ANKRD17: variants seen among roughly 807,000 people sequenced by gnomAD.
ANKRD17 encodes the protein ankyrin repeat domain 17, also known as ankyrin repeat domain-containing protein 17.
A neutral mutation model predicts 229.7 loss-of-function variants in ANKRD17; 19 were observed. The ratio of observed to expected loss-of-function variants is 0.08; its 90% CI spans 0.06 to 0.12. ANKRD17 has a LOEUF of 0.12. ANKRD17 is among the 10% of genes least tolerant of loss of function. The pLI is 1.00. For synonymous variants in ANKRD17, 1,112 were observed against 1,146.1 expected, an observed-to-expected ratio of 0.97 and a Z score of 0.60; for missense variants, 2,176 against 3,176.8, an observed-to-expected ratio of 0.68 and a Z score of 7.57.
chr4:73,115,132 A>T (rs1440640554), intron 23 of ANKRD17, among the ~76,000 whole-genome samples: 1 of 152,214 alleles, frequency 6.6e-6, no homozygotes, highest in Non-Finnish European at 1.5e-5. Flanking sequence ...TGTTCATTTT[A>T]CTAGGAAATA....
chr4:73,084,383 A>G (rs1026513717), intron 30 of ANKRD17, among the ~76,000 whole-genome samples: 2 of 152,140 alleles, frequency 1.3e-5, no homozygotes, highest in African/African-American at 4.8e-5. Context: ...CACTGCTTCA[A>G]AAGTCTGCCT....
In ANKRD17 at chr4:73,113,966, T is replaced by C. The variant is rs559093862; in HGVS notation, c.4285-58A>G. The stretch of plus-strand genomic sequence containing the variant: ...ACAGAACAATTCTCACTTAGAGAAA[T>C]TCCTAAAAACACGAAGATCTTTAGT... On this transcript the variant is annotated intron_variant, in intron 23 of 33. Transcript: ENST00000358602. The C allele has an allele frequency of 1.3e-5, 16 of 1,279,598 alleles. No homozygotes were observed. The South Asian group carries it at 1.9e-4, about 15-fold the overall frequency. 79.3% of individuals were successfully genotyped at this position (1,279,598 alleles called of 1,614,324 possible).
chr4:73,162,677 T>TA (rs1018865941), intron 2 of ANKRD17, among the ~76,000 whole-genome samples: 10 of 149,810 alleles, frequency 6.7e-5, no homozygotes, highest in East Asian at 1.9e-4. Context: ...ACTGCAAAAT[T>TA]AAAAAAAAAA....
intron 16 of ANKRD17, among the ~76,000 whole-genome samples, chr4:73,133,253 A>G (rs778875502): frequency 6.7e-6 from 1 of 149,816 alleles, no homozygotes; most frequent in Admixed American, 6.7e-5. Context: ...GTCTCAAAAT[A>G]AAAAAAAAAT....
Position 73,258,425 on chromosome 4 carries a change from G to A in ANKRD17, c.244C>T (p.Pro82Ser), listed in dbSNP as rs745389627. 1.9e-6 allele frequency: 3 copies of A among 1,610,340 alleles called. No homozygotes were observed. Among genetic ancestry groups the A allele is most frequent in the Admixed American group, 3.3e-5 (2 of 59,822 alleles). Residue 82 changes from proline to serine, a missense_variant, in exon 1 of 34, where the codon CCC becomes TCC. Coordinates refer to ENST00000358602, the MANE Select transcript of ANKRD17 (RefSeq NM_032217.5). ...HKAKRNRTCR[P>S]PSSSESSSDS... ...CTGCTGCTTTCGCTGCTGCTGGGGG[G>A]TCGGCAAGTCCGGTTACGCTTGGCC...
Position 73,124,948 on chromosome 4 carries a change from G to C in ANKRD17, c.3457C>G (p.Pro1153Ala). The change falls in exon 18 of 34, where the codon CCA becomes GCA. Residue 1153 changes from proline (P) to alanine (A), a missense_variant. Coordinates refer to ENST00000358602, the MANE Select transcript of ANKRD17 (RefSeq NM_032217.5). ...EAQSERTKDT[P>A]LSLACSGGRQ... ...CCCCCAGAACAAGCCAAGGAGAGTG[G>C]TGTGTCCTTGGTTCTTTCAGACTGG... 6.2e-7 allele frequency: 1 copy of C among 1,614,150 alleles called. No individual in the cohort carries two copies. The highest frequency in any genetic ancestry group is 8.5e-7 in the Non-Finnish European group (1 of 1,180,032).
At chr4:73,078,523 T>A in intron 31 of ANKRD17, 119 bp downstream of exon 31, 1 of 1,240,874 alleles carries the variant, frequency 8.1e-7, no homozygotes, top group Non-Finnish European at 1.1e-6. Flanking sequence ...GAGCAACAAG[T>A]GAAACTCCAT....
At chr4:73,199,744 C>T (rs924492828) in intron 1 of ANKRD17, among the ~76,000 whole-genome samples, 7 of 152,218 alleles carry the variant, frequency 4.6e-5, no homozygotes, top group East Asian at 3.9e-4. Context: ...CCAACGACAA[C>T]GAAAGCTCAA....
At chr4:73,096,474 A>C (rs1024600385) in intron 27 of ANKRD17, among the ~76,000 whole-genome samples, 9 of 152,204 alleles carry the variant, frequency 5.9e-5, no homozygotes, top group African/African-American at 2.2e-4. Flanking sequence ...TGTATACTGC[A>C]CTTAGGGATT....
At chr4:73,088,002 G>A (rs1395129151) in intron 29 of ANKRD17, among the ~76,000 whole-genome samples, 1 of 151,252 alleles carries the variant, frequency 6.6e-6, no homozygotes, top group Admixed American at 6.6e-5. Context: ...GAAGGGAGGG[G>A]AGTGAGGGAG....
intron 21 of ANKRD17, 124 bp from the exon 22 acceptor site, chr4:73,118,974 C>A (rs1044980161): frequency 1.1e-5 from 11 of 981,276 alleles, no homozygotes; most frequent in Non-Finnish European, 1.6e-5. Context: ...GCAGCCTCCA[C>A]CTCCAGGGGT....
intron 2 of ANKRD17, chr4:73,169,054 TC>T (rs1207279599): frequency 2.0e-5 from 3 of 152,200 alleles, no homozygotes; most frequent in Admixed American, 6.5e-5. Flanking sequence ...CTGCGTTAAT[TC>T]ACTTAGGATA....
At chr4:73,153,766 T>C in intron 6 of ANKRD17, 114 bp downstream of exon 6, 2 of 689,754 alleles carry the variant, frequency 2.9e-6, no homozygotes, top group South Asian at 1.0e-4. Context: ...TAACCTTTAA[T>C]TACATACTAT....
At chr4:73,231,269 A>G (rs1214456124) in intron 1 of ANKRD17, among the ~76,000 whole-genome samples, 1 of 152,202 alleles carries the variant, frequency 6.6e-6, no homozygotes, top group Admixed American at 6.5e-5. Context: ...GAATGAAGAA[A>G]CAGTTCCAAG....
At chr4:73,120,634 C>T (rs1726604268) in intron 20 of ANKRD17, among the ~76,000 whole-genome samples, 1 of 151,556 alleles carries the variant, frequency 6.6e-6, no homozygotes, top group Non-Finnish European at 1.5e-5. Context: ...CCATTCCCTT[C>T]CTTTTCAAAA....
At chr4:73,147,179 T>A in intron 9 of ANKRD17, 62 bp downstream of exon 9, 1 of 1,408,832 alleles carries the variant, frequency 7.1e-7, no homozygotes, top group Non-Finnish European at 9.5e-7. Context: ...AATATTTGCA[T>A]TATGACATTT....
chr4:73,188,300 AT>A (rs201054519), intron 1 of ANKRD17, among the ~76,000 whole-genome samples: 1,689 of 152,258 alleles, frequency 0.011, 32 homozygotes, highest in African/African-American at 0.039. Context: ...TTAAAGAAAA[AT>A]TTAGGCCAGG....
intron 1 of ANKRD17, among the ~76,000 whole-genome samples, chr4:73,231,909 G>A (rs961006188): frequency 4.6e-5 from 7 of 152,202 alleles, no homozygotes; most frequent in African/African-American, 1.2e-4. Context: ...TCAGAGAACA[G>A]AACACAGTGG....
At chr4:73,207,164 T>C (rs1739577734) in intron 1 of ANKRD17, among the ~76,000 whole-genome samples, 1 of 152,148 alleles carries the variant, frequency 6.6e-6, no homozygotes, top group African/African-American at 2.4e-5. Context: ...CAAATAAACA[T>C]AAGTATATGA....
Sources: gnomAD v4.1 joint callset for allele counts (sites outside exome capture counted in the v4.1 genomes callset) on GRCh38, gnomAD v4.1.1 for gene constraint, MANE v1.5 for transcripts, NCBI Gene and HGNC (gene_info 2026-07-23, HGNC 2026-07-21) for gene names.